The following SH2D3C variants were observed in gnomAD, a reference collection of about 807,000 sequenced individuals.
SH2D3C encodes the protein SH2 domain containing 3C.
In SH2D3C, 25 loss-of-function variants were observed where a neutral mutation model predicts 75.2. The ratio of observed to expected loss-of-function variants is 0.33; its 90% CI spans 0.24 to 0.46. The LOEUF (loss-of-function observed/expected upper bound fraction) is 0.46. Among genes scored for constraint, SH2D3C ranks in the 20% least tolerant of loss-of-function variants. The pLI, the probability that SH2D3C is intolerant of heterozygous loss-of-function variation, is 1.00. For synonymous variants in SH2D3C, 450 were observed against 473.7 expected, an observed-to-expected ratio of 0.95 and a Z score of 0.65; for missense variants, 933 against 1,165.3, an observed-to-expected ratio of 0.80 and a Z score of 2.90.
At chr9:127,771,164 C>T (rs2131808263) in intron 2 of SH2D3C, 1 of 1,528,202 alleles carries the variant, frequency 6.5e-7, no homozygotes, top group Non-Finnish European at 8.8e-7. Context: ...TGGCCCTCCC[C>T]AGGCCCAGCT....
intron 3 of SH2D3C, among the ~76,000 whole-genome samples, chr9:127,756,806 C>T (rs975247748): frequency 6.6e-6 from 1 of 151,606 alleles, no homozygotes; most frequent in Non-Finnish European, 1.5e-5. Context: ...CCACCATGCC[C>T]GCTAATTTTT....
intron 1 of SH2D3C, among the ~76,000 whole-genome samples, chr9:127,775,615 G>A (rs990205328): frequency 1.3e-5 from 2 of 150,034 alleles, no homozygotes; most frequent in Admixed American, 6.7e-5. Flanking sequence ...TGACAAGAGT[G>A]AGACTCCATC....
intron 5 of SH2D3C, 60 bp from the exon 6 acceptor site, chr9:127,747,331 C>G (rs1845061927): frequency 6.5e-7 from 1 of 1,540,082 alleles, no homozygotes; most frequent in Non-Finnish European, 8.8e-7. Flanking sequence ...CAGCCTGCCT[C>G]TGGGACCCCC....
intron 9 of SH2D3C, among the ~76,000 whole-genome samples, chr9:127,740,702 A>G (rs995082494): frequency 3.3e-5 from 5 of 152,160 alleles, no homozygotes; most frequent in Admixed American, 6.5e-5. Context: ...TGTTTTTGAG[A>G]CGGAGTCTCA....
chr9:127,746,829 T>C (rs1777081669), intron 6 of SH2D3C, among the ~76,000 whole-genome samples: 1 of 152,156 alleles, frequency 6.6e-6, no homozygotes, highest in South Asian at 2.1e-4. Flanking sequence ...TCCCAGCTAC[T>C]TGGGAGGCTG....
chr9:127,745,219 C>A, intron 6 of SH2D3C, 120 bp from the exon 7 acceptor site: 1 of 749,124 alleles, frequency 1.3e-6, no homozygotes, highest in Non-Finnish European at 1.9e-6. Flanking sequence ...AGGTGATGTC[C>A]CCACCTCCCT....
chr9:127,749,749 T>G lies in SH2D3C; in HGVS notation c.685-84A>C. 1 of 831,864 alleles carries G rather than the reference T, an allele frequency of 1.2e-6. No homozygotes were observed. The highest frequency in any genetic ancestry group is 1.6e-5 in the South Asian group (1 of 63,822). The allele number at this position is 831,864 out of a possible 1,614,324, so 51.5% of individuals were successfully genotyped here. A position where few individuals can be genotyped will look rare whatever the true frequency, so the allele number is the denominator to read the frequency against. ...ATCTGGGGGACAGAGCAACCCAGGA[T>G]TAGGGGGCACAGCAAGACCAGACCC... is the stretch of plus-strand genomic sequence containing the variant. On this transcript the variant is annotated intron_variant, in intron 4 of 11. Transcript: ENST00000314830. The surrounding 1 kb of genome is among the most constrained non-coding windows in gnomAD (Gnocchi z 5.9).
chr9:127,742,702 G>A, intron 8 of SH2D3C, 147 bp downstream of exon 8: 1 of 591,474 alleles, frequency 1.7e-6, no homozygotes, highest in Non-Finnish European at 3.0e-6. Flanking sequence ...GGTTATCAGG[G>A]CTTGCGATTG....
chr9:127,747,658 G>A (rs1845074116), intron 5 of SH2D3C, among the ~76,000 whole-genome samples: 2 of 151,984 alleles, frequency 1.3e-5, no homozygotes, highest in South Asian at 4.2e-4. Flanking sequence ...TCCTGCTTCA[G>A]CCTCCGAGTA....
At chr9:127,760,499 T>C (rs918057832) in intron 3 of SH2D3C, among the ~76,000 whole-genome samples, 1 of 152,124 alleles carries the variant, frequency 6.6e-6, no homozygotes, top group Non-Finnish European at 1.5e-5. Flanking sequence ...ATGTAGATCA[T>C]GGGTTGATGG....
chr9:127,746,174 G>A (rs1431909498), intron 6 of SH2D3C, among the ~76,000 whole-genome samples: 1 of 152,148 alleles, frequency 6.6e-6, no homozygotes, highest in Admixed American at 6.5e-5. Context: ...TATACTCAGG[G>A]TATTGCTTTG....
Position 127,749,605 on chromosome 9 carries a change from G to T in SH2D3C, c.745C>A (p.Leu249Met). ...CGGCACGTGAGCACATAGTCGCCCA[G>T]GCTGGTGAGTGAGTCCCGGATGAGG... ...DFLIRDSLTS[L>M]GDYVLTCRWR... Residue 249 changes from leucine (L) to methionine (M), a missense_variant, in exon 5 of 12, where the codon CTG becomes ATG. Leu to Met is a conservative substitution (Grantham distance 15). Coordinates refer to ENST00000314830, the MANE Select transcript of SH2D3C (RefSeq NM_170600.3). This position sits in a 1 kb window ranked among gnomAD's most constrained non-coding sequence, Gnocchi z 5.9. 6.3e-7 allele frequency: 1 copy of T among 1,597,700 alleles called. No homozygotes were observed. Among genetic ancestry groups the T allele is most frequent in the East Asian group, 2.3e-5 (1 of 43,886 alleles).
Position 127,751,406 on chromosome 9 carries a change from G to T in SH2D3C, c.556-106C>A. The stretch of plus-strand genomic sequence containing the variant: ...GAACTCCTCCTATCCTGGGACTCTG[G>T]GAACACTAAGGCACAGGTGCCAGAC... On this transcript the variant is annotated intron_variant, in intron 3 of 11. Transcript: ENST00000314830. This position sits in a 1 kb window ranked among gnomAD's most constrained non-coding sequence, Gnocchi z 4.1. The T allele has an allele frequency of 9.2e-7, 1 of 1,089,976 alleles. No homozygotes were observed. Among genetic ancestry groups the T allele is most frequent in the Non-Finnish European group, 1.4e-6 (1 of 730,988 alleles). The allele number at this position is 1,089,976 out of a possible 1,614,324, so 67.5% of individuals were successfully genotyped here. A position where few individuals can be genotyped will look rare whatever the true frequency, so the allele number is the denominator to read the frequency against.
At position 127,749,232 on chromosome 9, in the gene SH2D3C, C is replaced by T. The variant is rs767967113; in HGVS notation, c.1118G>A (p.Arg373His). ...TDGLTADKVT[R>H]SDGCPTSTSL... ...TGACCTGGTGGGGCAGCCATCGCTG[C>T]GGGTGACCTTGTCAGCAGTGAGCCC... The change falls in exon 5 of 12, where the codon CGC becomes CAC. Residue 373 changes from arginine (R) to histidine (H), a missense_variant. Arg to His is a conservative substitution (Grantham distance 29). Coordinates refer to ENST00000314830, the MANE Select transcript of SH2D3C (RefSeq NM_170600.3). The surrounding 1 kb of genome is among the most constrained non-coding windows in gnomAD (Gnocchi z 5.9). 11 of 1,566,476 alleles carry T rather than the reference C, an allele frequency of 7.0e-6. No individual in the cohort carries two copies. Among genetic ancestry groups the T allele is most frequent in the Admixed American group, 3.5e-5 (2 of 56,916 alleles).
intron 4 of SH2D3C, among the ~76,000 whole-genome samples, chr9:127,750,896 G>C (rs1233317932): frequency 6.6e-6 from 1 of 152,192 alleles, no homozygotes; most frequent in East Asian, 1.9e-4. Flanking sequence ...CAACATTCAT[G>C]GTGTCAAGCA....
chr9:127,757,228 G>A (rs538361046), intron 3 of SH2D3C, among the ~76,000 whole-genome samples: 12 of 151,616 alleles, frequency 7.9e-5, no homozygotes, highest in African/African-American at 2.9e-4. Flanking sequence ...GCCTAGGAGG[G>A]GGCTTTTGGA....
At position 127,774,669 on chromosome 9, in the gene SH2D3C, C is replaced by T. The variant is rs747552043; in HGVS notation, c.38-202G>A. ...AGTCACGGGGCCCTGGACTTGAATTCCTGCTCTTTCACATCCTAGCTGTGT... is the reference window on the plus strand; with the variant it reads ...AGTCACGGGGCCCTGGACTTGAATTTCTGCTCTTTCACATCCTAGCTGTGT... On this transcript the variant is annotated intron_variant, in intron 1 of 11. Transcript: ENST00000314830. The surrounding 1 kb of genome is among the most constrained non-coding windows in gnomAD (Gnocchi z 4.3). Among the ~76,000 whole-genome samples the T allele has an allele frequency of 5.3e-5, 8 of 152,140 alleles. No homozygotes were observed. Among genetic ancestry groups the T allele is most frequent in the Non-Finnish European group, 1.2e-4 (8 of 68,032 alleles).
chr9:127,747,455 G>A (rs1381288848), intron 5 of SH2D3C, among the ~76,000 whole-genome samples, 184 bp from the exon 6 acceptor site: 2 of 152,188 alleles, frequency 1.3e-5, no homozygotes, highest in Non-Finnish European at 2.9e-5. Context: ...GGGGCACAGC[G>A]AGTCAGGAGC....
In SH2D3C at chr9:127,774,238, C is replaced by T. The variant is rs758607239; in HGVS notation, c.267G>A (p.Gln89=). ...TMPRPSIKKA[Q]NSQAARQAQE... ...GGGCCTGCCGGGCAGCCTGTGAGTTCTGTGCTTTCTTGATGCTGGGGCGAG... is the reference window on the plus strand; with the variant it reads ...GGGCCTGCCGGGCAGCCTGTGAGTTTTGTGCTTTCTTGATGCTGGGGCGAG... Residue 89 remains glutamine (Q), a synonymous_variant, in exon 2 of 12, where the codon CAG becomes CAA. Transcript: ENST00000314830. This position sits in a 1 kb window ranked among gnomAD's most constrained non-coding sequence, Gnocchi z 4.3. The T allele has an allele frequency of 1.5e-5, 24 of 1,613,936 alleles. No homozygotes were observed. Among genetic ancestry groups the T allele is most frequent in the Admixed American group, 1.0e-4 (6 of 59,998 alleles).
Sources: gnomAD v4.1 joint callset for allele counts (sites outside exome capture counted in the v4.1 genomes callset) on GRCh38, gnomAD v4.1.1 for gene constraint, Gnocchi (gnomAD v3.1) non-coding constraint, MANE v1.5 for transcripts, NCBI Gene and HGNC (gene_info 2026-07-23, HGNC 2026-07-21) for gene names.